Variants in CFDP1 observed in about 807,000 individuals in gnomAD.
The protein encoded by CFDP1 is chromatin remodeling protein CFDP1, also known as heterochromatin-stabilizing protein CFDP1.
Under a neutral mutation model 40.1 loss-of-function variants are expected in CFDP1, and 31 were observed. The observed-to-expected ratio is 0.77, with a 90% CI of 0.58 to 1.04. The LOEUF is 1.04. Ranked by LOEUF, CFDP1 falls within the 50% of genes least tolerant of loss-of-function variation. The pLI, the probability that CFDP1 is intolerant of heterozygous loss-of-function variation, is 0.00. For synonymous variants in CFDP1, 167 were observed against 120.0 expected (o/e 1.39, Z -2.56); for missense variants, 423 against 343.4 (o/e 1.23, Z -1.83).
intron 5 of CFDP1, among the ~76,000 whole-genome samples, chr16:75,315,394 A>G (rs888014939): frequency 4.8e-5 from 7 of 146,988 alleles, no homozygotes; most frequent in African/African-American, 1.7e-4. Context: ...ATTTATAATG[A>G]TGATACTCAA....
intron 5 of CFDP1, among the ~76,000 whole-genome samples, chr16:75,366,513 C>T (rs150728979): frequency 1.6e-4 from 25 of 151,800 alleles, no homozygotes; most frequent in Admixed American, 1.6e-3. Context: ...ATCCCAGCTA[C>T]TGGGGAGGCT....
At chr16:75,416,465 A>T (rs1305241581) in intron 1 of CFDP1, among the ~76,000 whole-genome samples, 26 of 33,456 alleles carry the variant, frequency 7.8e-4, no homozygotes, top group Middle Eastern at 0.016. Flanking sequence ...AAAGAGATTT[A>T]AAAAAAAAAA....
At chr16:75,389,878 A>G (rs533417635) in intron 5 of CFDP1, among the ~76,000 whole-genome samples, 2 of 152,198 alleles carry the variant, frequency 1.3e-5, no homozygotes, top group Non-Finnish European at 2.9e-5. Context: ...CCCAAGCACA[A>G]TTGTAACTGT....
chr16:75,358,510 C>G (rs1001783889), intron 5 of CFDP1, among the ~76,000 whole-genome samples: 1 of 151,884 alleles, frequency 6.6e-6, no homozygotes, highest in Non-Finnish European at 1.5e-5. Flanking sequence ...AACTAGGTAT[C>G]TTTTAAATAT....
chr16:75,316,224 G>A (rs1454836862), intron 5 of CFDP1, among the ~76,000 whole-genome samples: 2 of 152,150 alleles, frequency 1.3e-5, no homozygotes, highest in Non-Finnish European at 2.9e-5. Flanking sequence ...AGGTTGTGAC[G>A]GCCAGAACTC....
intron 1 of CFDP1, among the ~76,000 whole-genome samples, chr16:75,420,739 G>T (rs1453836855): frequency 6.6e-6 from 1 of 152,150 alleles, no homozygotes; most frequent in East Asian, 1.9e-4. Context: ...AAATACAATT[G>T]CAGGCTGAGG....
chr16:75,303,365 C>CTAAA (rs576854066), intron 6 of CFDP1, among the ~76,000 whole-genome samples: 12,810 of 136,016 alleles, frequency 0.094, 729 homozygotes, highest in African/African-American at 0.14. Context: ...GACTCCATCT[C>CTAAA]TAAATAAATA....
At chr16:75,365,881 C>CA (rs1313640774) in intron 5 of CFDP1, among the ~76,000 whole-genome samples, 1 of 152,168 alleles carries the variant, frequency 6.6e-6, no homozygotes, top group Non-Finnish European at 1.5e-5. Flanking sequence ...AAAAGGCCAA[C>CA]ACTACCAGCT....
At chr16:75,363,457 G>A (rs894323302) in intron 5 of CFDP1, among the ~76,000 whole-genome samples, 3 of 151,074 alleles carry the variant, frequency 2.0e-5, no homozygotes, top group Admixed American at 1.3e-4. Flanking sequence ...GTGCAGTGGC[G>A]CAATCTCAGC....
At chr16:75,383,405 G>T (rs547797566) in intron 5 of CFDP1, among the ~76,000 whole-genome samples, 1 of 152,230 alleles carries the variant, frequency 6.6e-6, no homozygotes, top group African/African-American at 2.4e-5. Context: ...CATAAAAATC[G>T]CTTAGTGCTA....
At chr16:75,433,021 A>G (rs1286370198) in intron 1 of CFDP1, among the ~76,000 whole-genome samples, 2 of 152,170 alleles carry the variant, frequency 1.3e-5, no homozygotes, top group Non-Finnish European at 2.9e-5. Flanking sequence ...CCCTAGCGAC[A>G]AGGGGCCGTG....
At chr16:75,304,951 G>T in intron 6 of CFDP1, 73 bp downstream of exon 6, 1 of 1,492,310 alleles carries the variant, frequency 6.7e-7, no homozygotes, top group Non-Finnish European at 9.1e-7. Context: ...ACAGTGGGCA[G>T]TTTGTCTCCA....
chr16:75,334,881 G>A (rs968951577), intron 5 of CFDP1, among the ~76,000 whole-genome samples: 7 of 152,076 alleles, frequency 4.6e-5, no homozygotes, highest in South Asian at 2.1e-4. Context: ...TTTGAACCCC[G>A]GAGGTGGAGG....
chr16:75,412,470 C>A, intron 3 of CFDP1, 65 bp downstream of exon 3: 1 of 1,272,120 alleles, frequency 7.9e-7, no homozygotes, highest in Non-Finnish European at 1.1e-6. Context: ...TTTCCGTAGG[C>A]TTCAAATCTC....
intron 5 of CFDP1, among the ~76,000 whole-genome samples, chr16:75,382,123 GA>G (rs78588129): frequency 0.036 from 2,871 of 80,696 alleles, 75 homozygotes; most frequent in African/African-American, 0.11. Context: ...TCTCAAAAAA[GA>G]AAAAAAAAAA....
At chr16:75,316,654 T>C (rs1272029553) in intron 5 of CFDP1, among the ~76,000 whole-genome samples, 4 of 143,362 alleles carry the variant, frequency 2.8e-5, no homozygotes, top group African/African-American at 1.0e-4. Flanking sequence ...AGAGTAAAGC[T>C]CTAGCTGTAA....
intron 5 of CFDP1, among the ~76,000 whole-genome samples, chr16:75,366,880 T>A (rs1320827067): frequency 6.6e-6 from 1 of 152,130 alleles, no homozygotes; most frequent in African/African-American, 2.4e-5. Flanking sequence ...AAATTTACTA[T>A]AGGCCGGGTG....
At chr16:75,301,733 A>G (rs918979824) in intron 6 of CFDP1, 1 of 152,012 alleles carries the variant, frequency 6.6e-6, no homozygotes, top group African/African-American at 2.4e-5. Context: ...GTAAAATTTA[A>G]AGATGCAGAT....
At chr16:75,356,347 C>T (rs866959509) in intron 5 of CFDP1, among the ~76,000 whole-genome samples, 23 of 152,310 alleles carry the variant, frequency 1.5e-4, no homozygotes, top group Admixed American at 5.9e-4. Context: ...CATTAATCTT[C>T]TTGTACACAT....
Sources: allele counts gnomAD v4.1 joint callset (sites outside exome capture counted in the v4.1 genomes callset), GRCh38; gene constraint gnomAD v4.1.1; transcripts MANE v1.5; gene names NCBI Gene and HGNC (gene_info 2026-07-23, HGNC 2026-07-21).